EVI5: variants seen among roughly 807,000 people sequenced by gnomAD.
The protein encoded by EVI5 is ecotropic viral integration site 5 protein homolog.
Under a neutral mutation model 112.0 loss-of-function variants are expected in EVI5, and 73 were observed. The observed-to-expected ratio is 0.65, with a 90% CI of 0.54 to 0.79. EVI5 has a LOEUF of 0.79. Ranked by LOEUF, EVI5 falls within the 30% of genes least tolerant of loss-of-function variation. The pLI, the probability that EVI5 is intolerant of heterozygous loss-of-function variation, is 0.00. For missense variants in EVI5, 900 were observed against 968.8 expected, an observed-to-expected ratio of 0.93 and a Z score of 0.94; for synonymous variants, 305 against 319.9, an observed-to-expected ratio of 0.95 and a Z score of 0.50.
chr1:92,703,031 T>C (rs1433325214), intron 4 of EVI5, among the ~76,000 whole-genome samples: 5 of 152,042 alleles, frequency 3.3e-5, no homozygotes, highest in Non-Finnish European at 5.9e-5. Context: ...GTGCTGGCCA[T>C]AGAAAGCAGA....
intron 1 of EVI5, among the ~76,000 whole-genome samples, chr1:92,740,665 T>C (rs1678230268): frequency 6.6e-6 from 1 of 152,218 alleles, no homozygotes; most frequent in Non-Finnish European, 1.5e-5. Flanking sequence ...TGTGTCTGTA[T>C]ACATGTATGT....
Position 92,510,237 on chromosome 1 carries a change from C to A in EVI5, c.*3419G>T, listed in dbSNP as rs1159713684. 6.6e-5 allele frequency: 10 copies of A among 152,122 alleles called. No individual in the cohort carries two copies. Among genetic ancestry groups the A allele is most frequent in the Admixed American group, 6.6e-4 (10 of 15,262 alleles). The allele number at this position is 152,122 out of a possible 1,614,324, so 9.4% of individuals were successfully genotyped here. ...CAACGTTTAGAATTCAAACATGATT[C>A]TAGAAAATTTCTTATCTTAAAGTCA... On this transcript the variant is annotated 3_prime_UTR_variant, in exon 20 of 20. Transcript: ENST00000684568.
chr1:92,781,147 G>A (rs1301925025), intron 1 of EVI5, among the ~76,000 whole-genome samples: 2 of 151,984 alleles, frequency 1.3e-5, no homozygotes, highest in Non-Finnish European at 2.9e-5. Flanking sequence ...ACCACGCCCG[G>A]CCTAAAAAGT....
intron 9 of EVI5, among the ~76,000 whole-genome samples, chr1:92,678,169 G>A (rs1170274652): frequency 6.6e-6 from 1 of 152,132 alleles, no homozygotes; most frequent in Non-Finnish European, 1.5e-5. Flanking sequence ...ATATGCCCAT[G>A]AAATACATAT....
At chr1:92,589,481 C>A (rs527261735) in intron 18 of EVI5, among the ~76,000 whole-genome samples, 1 of 152,184 alleles carries the variant, frequency 6.6e-6, no homozygotes, top group Non-Finnish European at 1.5e-5. Context: ...CTGTGCCTGG[C>A]TTGGAGGGTC....
intron 18 of EVI5, among the ~76,000 whole-genome samples, chr1:92,596,963 C>A (rs1571799099): frequency 2.0e-5 from 3 of 152,076 alleles, no homozygotes; most frequent in Admixed American, 2.0e-4. Flanking sequence ...ATTATGTAGG[C>A]AAGAAAGAAC....
chr1:92,590,107 C>T (rs1293687739), intron 18 of EVI5, among the ~76,000 whole-genome samples: 1 of 151,954 alleles, frequency 6.6e-6, no homozygotes, highest in Admixed American at 6.5e-5. Flanking sequence ...CACCAAAACC[C>T]CATCTGTACG....
intron 19 of EVI5, among the ~76,000 whole-genome samples, chr1:92,547,971 G>C (rs1239816696): frequency 6.6e-6 from 1 of 152,194 alleles, no homozygotes; most frequent in African/African-American, 2.4e-5. Context: ...AATAGAAAAA[G>C]AGGGAATCCT....
chr1:92,760,362 T>G (rs903012706), intron 1 of EVI5, among the ~76,000 whole-genome samples: 3 of 152,140 alleles, frequency 2.0e-5, no homozygotes, highest in Non-Finnish European at 4.4e-5. Context: ...TTTTTTCCTG[T>G]TCTGAATAAG....
chr1:92,645,522 C>T (rs1660773860), intron 13 of EVI5, among the ~76,000 whole-genome samples: 1 of 152,156 alleles, frequency 6.6e-6, no homozygotes, highest in Admixed American at 6.5e-5. Flanking sequence ...ACTTTGGCCT[C>T]TGTAATTTCT....
chr1:92,661,121 A>G (rs563786778), intron 13 of EVI5, among the ~76,000 whole-genome samples: 1 of 152,164 alleles, frequency 6.6e-6, no homozygotes. Flanking sequence ...AGCTCTTTAT[A>G]TCATATAAAT....
chr1:92,788,951 A>G (rs1685881301), upstream of EVI5, among the ~76,000 whole-genome samples: 2 of 152,200 alleles, frequency 1.3e-5, no homozygotes, highest in Admixed American at 1.3e-4. Flanking sequence ...CTCATGGGGT[A>G]GGTATTATTA....
In EVI5 at chr1:92,688,745, G is replaced by A. The variant is rs942074644; in HGVS notation, c.1097+5057C>T. Among the ~76,000 whole-genome samples the A allele has an allele frequency of 3.3e-5, 5 of 152,218 alleles. No homozygotes were observed. In the South Asian group the frequency reaches 1.0e-3, roughly 31 times the overall value. ...GACACCCAGCAGTCTGTGTATGCCA[G>A]TCTGAAGACATACGGGTTAGGTATC... On this transcript the variant is annotated intron_variant, in intron 9 of 19. Coordinates refer to ENST00000684568, the MANE Select transcript of EVI5 (RefSeq NM_001350197.2).
chr1:92,564,515 C>T (rs894527696), intron 18 of EVI5, among the ~76,000 whole-genome samples: 3 of 151,996 alleles, frequency 2.0e-5, no homozygotes, highest in East Asian at 1.9e-4. Flanking sequence ...AATTAGCTCT[C>T]GATGTGGACT....
At chr1:92,777,506 C>T (rs1024408912) in intron 1 of EVI5, among the ~76,000 whole-genome samples, 3 of 152,166 alleles carry the variant, frequency 2.0e-5, no homozygotes, top group Admixed American at 6.6e-5. Context: ...CCTGGGACAA[C>T]GAGTACTTCT....
chr1:92,663,470 C>A lies in EVI5; in HGVS notation c.1213-18G>T. On this transcript the variant is annotated intron_variant, in intron 11 of 19. Coordinates refer to ENST00000684568, the MANE Select transcript of EVI5 (RefSeq NM_001350197.2). ...GCACTTTCCTACAAAAGGAAAAATT[C>A]AGATAGAAATATAAGAGAAAGAAAT... 1 of 1,285,424 alleles carries A rather than the reference C, an allele frequency of 7.8e-7. No individual in the cohort carries two copies. Among genetic ancestry groups the A allele is most frequent in the Non-Finnish European group, 1.1e-6 (1 of 942,922 alleles). 79.6% of individuals were successfully genotyped at this position (1,285,424 alleles called of 1,614,324 possible).
At chr1:92,698,589 A>G (rs1670667726) in intron 5 of EVI5, among the ~76,000 whole-genome samples, 1 of 152,230 alleles carries the variant, frequency 6.6e-6, no homozygotes, top group Non-Finnish European at 1.5e-5. Context: ...GGCATGCTCA[A>G]GAAACAGCAA....
At chr1:92,566,875 C>T (rs1262808991) in intron 18 of EVI5, among the ~76,000 whole-genome samples, 1 of 143,874 alleles carries the variant, frequency 7.0e-6, no homozygotes, top group Admixed American at 7.5e-5. Context: ...GGCACAATCT[C>T]GGCTCACTGC....
chr1:92,784,435 G>A (rs573927095), intron 1 of EVI5: 4 of 985,234 alleles, frequency 4.1e-6, no homozygotes, highest in East Asian at 1.1e-4. Context: ...TGCAAGTCAG[G>A]GGGGCGAGTG....
Sources: allele counts gnomAD v4.1 joint callset (sites outside exome capture counted in the v4.1 genomes callset), GRCh38; gene constraint gnomAD v4.1.1; transcripts MANE v1.5; gene names NCBI Gene and HGNC (gene_info 2026-07-23, HGNC 2026-07-21).